Variants in MSRA observed in about 807,000 individuals in gnomAD.
MSRA encodes mitochondrial peptide methionine sulfoxide reductase.
In MSRA, 54 loss-of-function variants were observed where a neutral mutation model predicts 31.3. That is an observed-to-expected ratio of 1.73 (90% CI 1.39 to 2.17). The LOEUF (loss-of-function observed/expected upper bound fraction) is 2.17. Among genes scored for constraint, MSRA ranks in the 30% most tolerant of loss-of-function variants. The probability of loss-of-function intolerance (pLI) is 0.00; values close to 1 mark genes in which losing one functional copy is unlikely to be tolerated. For missense variants in MSRA, 507 were observed against 300.9 expected (o/e 1.69, Z -5.07); for synonymous variants, 169 against 116.5 (o/e 1.45, Z -2.90).
At chr8:10,419,583 C>T (rs1021030065) in intron 5 of MSRA, among the ~76,000 whole-genome samples, 20 of 152,188 alleles carry the variant, frequency 1.3e-4, no homozygotes, top group African/African-American at 4.8e-4. Flanking sequence ...AGGGGCCCTG[C>T]AAACTCCTCC....
chr8:10,282,338 C>G (rs919887809), intron 3 of MSRA, among the ~76,000 whole-genome samples: 1 of 152,166 alleles, frequency 6.6e-6, no homozygotes, highest in Admixed American at 6.6e-5. Flanking sequence ...TCACTTTGAA[C>G]TTATTTTCAT....
At chr8:10,375,374 G>A (rs943858728) in intron 5 of MSRA, among the ~76,000 whole-genome samples, 1 of 152,228 alleles carries the variant, frequency 6.6e-6, no homozygotes, top group African/African-American at 2.4e-5. Context: ...GAAGGTAGAT[G>A]AAGAACCTTC....
At chr8:10,157,450 G>C (rs777747433) in intron 1 of MSRA, among the ~76,000 whole-genome samples, 4 of 152,074 alleles carry the variant, frequency 2.6e-5, no homozygotes, top group Non-Finnish European at 5.9e-5. Flanking sequence ...CATTTTCAAA[G>C]AATTTTTAAA....
chr8:10,104,926 C>A (rs1437475978), intron 1 of MSRA, among the ~76,000 whole-genome samples: 1 of 152,170 alleles, frequency 6.6e-6, no homozygotes, highest in Admixed American at 6.5e-5. Flanking sequence ...GTTCTTGTCT[C>A]ACTGTATCTT....
intron 4 of MSRA, among the ~76,000 whole-genome samples, chr8:10,302,137 G>C (rs926248152): frequency 6.6e-6 from 1 of 152,140 alleles, no homozygotes. Flanking sequence ...CACAAAGCTT[G>C]CTCATTTAAA....
At chr8:10,213,921 A>G (rs1042066818) in intron 2 of MSRA, among the ~76,000 whole-genome samples, 1 of 152,122 alleles carries the variant, frequency 6.6e-6, no homozygotes, top group Non-Finnish European at 1.5e-5. Context: ...GGTGAAAGGT[A>G]AGATTCTGCA....
intron 2 of MSRA, among the ~76,000 whole-genome samples, chr8:10,212,112 A>G (rs943200453): frequency 1.3e-5 from 2 of 151,908 alleles, no homozygotes; most frequent in Admixed American, 6.6e-5. Context: ...ACTTGAACCC[A>G]GGAGGCGGAG....
At chr8:10,286,188 C>T (rs1203628316) in intron 3 of MSRA, among the ~76,000 whole-genome samples, 1 of 152,176 alleles carries the variant, frequency 6.6e-6, no homozygotes, top group African/African-American at 2.4e-5. Flanking sequence ...GCACTCTTAC[C>T]TCTACCTGTG....
chr8:10,417,056 G>A (rs1229803048), intron 5 of MSRA, among the ~76,000 whole-genome samples: 2 of 152,328 alleles, frequency 1.3e-5, no homozygotes, highest in Non-Finnish European at 2.9e-5. Context: ...CGGAACACAG[G>A]AGCGCTGCAG....
At chr8:10,335,004 G>T (rs1240622823) in intron 5 of MSRA, among the ~76,000 whole-genome samples, 1 of 143,944 alleles carries the variant, frequency 6.9e-6, no homozygotes, top group Non-Finnish European at 1.6e-5. Flanking sequence ...AAAGGCTCTC[G>T]TGTCCTTAGG....
chr8:10,310,895 T>A (rs1324337423), intron 4 of MSRA, among the ~76,000 whole-genome samples: 3 of 152,224 alleles, frequency 2.0e-5, no homozygotes, highest in Non-Finnish European at 4.4e-5. Context: ...TCCATTACAA[T>A]TTTATAATCC....
At chr8:10,414,686 A>G (rs1430062378) in intron 5 of MSRA, among the ~76,000 whole-genome samples, 2 of 152,208 alleles carry the variant, frequency 1.3e-5, no homozygotes, top group Non-Finnish European at 2.9e-5. Context: ...GTTCTTTTCT[A>G]TTCAACCTTT....
intron 3 of MSRA, among the ~76,000 whole-genome samples, chr8:10,283,341 G>T (rs1307011568): frequency 6.6e-6 from 1 of 152,064 alleles, no homozygotes; most frequent in Non-Finnish European, 1.5e-5. Flanking sequence ...ATATTTATTA[G>T]GAGTATTGTG....
chr8:10,324,983 G>A (rs1802278522), intron 5 of MSRA, among the ~76,000 whole-genome samples: 1 of 152,234 alleles, frequency 6.6e-6, no homozygotes, highest in African/African-American at 2.4e-5. Flanking sequence ...TTGAGTGTAA[G>A]ATTGGGCAAT....
chr8:10,125,720 G>C (rs902609313), intron 1 of MSRA, among the ~76,000 whole-genome samples: 1 of 152,160 alleles, frequency 6.6e-6, no homozygotes. Flanking sequence ...TGTTTGTGGT[G>C]GTAGTTCAAA....
intron 2 of MSRA, among the ~76,000 whole-genome samples, chr8:10,217,294 G>C (rs982030603): frequency 6.6e-6 from 1 of 152,206 alleles, no homozygotes; most frequent in South Asian, 2.1e-4. Context: ...CGGCGCGCAA[G>C]TCTCGTGGCT....
rs184807674 is a variant in MSRA at position 10,420,872 on chromosome 8, G to A, written c.544-7276G>A. Among the ~76,000 whole-genome samples the A allele has an allele frequency of 7.3e-5, 10 of 136,750 alleles. No homozygotes were observed. The East Asian group carries it at 2.0e-3, about 27-fold the overall frequency. 89.7% of individuals were successfully genotyped at this position (136,750 alleles called of 152,430 possible). A position where few individuals can be genotyped will look rare whatever the true frequency, so the allele number is the denominator to read the frequency against. ...TGGCTAAGATAGTACATTTTATGTT[G>A]TGTGTATTTTACCACAACTTAAAAA... On this transcript the variant is annotated intron_variant, in intron 5 of 5. Transcript: ENST00000317173.
intron 5 of MSRA, among the ~76,000 whole-genome samples, chr8:10,323,782 C>CTG (rs1802198465): frequency 3.9e-5 from 3 of 77,154 alleles, no homozygotes; most frequent in East Asian, 4.9e-4. Context: ...GTGTCTGTGT[C>CTG]TGTCTGTCTG....
chr8:10,151,502 T>G (rs1203341019), intron 1 of MSRA, among the ~76,000 whole-genome samples: 1 of 151,400 alleles, frequency 6.6e-6, no homozygotes, highest in African/African-American at 2.4e-5. Context: ...AATAAAAAAT[T>G]AGCCGGGCGT....
Sources: gnomAD v4.1 joint callset for allele counts (sites outside exome capture counted in the v4.1 genomes callset) on GRCh38, gnomAD v4.1.1 for gene constraint, MANE v1.5 for transcripts, NCBI Gene and HGNC (gene_info 2026-07-23, HGNC 2026-07-21) for gene names.